The following GRID2 variants were observed in gnomAD, a reference collection of about 807,000 sequenced individuals.
GRID2 encodes glutamate ionotropic receptor delta type subunit 2, also known as glutamate receptor ionotropic, delta-2.
GRID2 carries 33 observed loss-of-function variants against 114.8 expected under a neutral mutation model. The observed-to-expected ratio is 0.29, with a 90% CI of 0.22 to 0.38. The LOEUF is 0.38. Ranked by LOEUF, GRID2 falls within the 10% of genes least tolerant of loss-of-function variation. The pLI, the probability that GRID2 is intolerant of heterozygous loss-of-function variation, is 1.00. For synonymous variants in GRID2, 505 were observed against 449.9 expected, an observed-to-expected ratio of 1.12 and a Z score of -1.55; for missense variants, 1,184 against 1,257.7, an observed-to-expected ratio of 0.94 and a Z score of 0.89.
intron 4 of GRID2, among the ~76,000 whole-genome samples, chr4:93,192,414 A>G (rs1209449777): frequency 6.6e-6 from 1 of 152,174 alleles, no homozygotes; most frequent in African/African-American, 2.4e-5. Context: ...ACAAGATTTT[A>G]TTCCTAAAAG....
chr4:93,406,824 C>G (rs1186359975), intron 9 of GRID2, among the ~76,000 whole-genome samples: 1 of 152,090 alleles, frequency 6.6e-6, no homozygotes, highest in Non-Finnish European at 1.5e-5. Context: ...GGAAGCTGCA[C>G]GCTCATCTTC....
chr4:93,421,532 A>G (rs1768286076), intron 9 of GRID2, among the ~76,000 whole-genome samples: 1 of 152,222 alleles, frequency 6.6e-6, no homozygotes, highest in Admixed American at 6.5e-5. Context: ...CAATATCAAC[A>G]TAGTTATAGA....
At chr4:92,462,181 T>G (rs553869019) in intron 1 of GRID2, among the ~76,000 whole-genome samples, 1 of 152,236 alleles carries the variant, frequency 6.6e-6, no homozygotes, top group East Asian at 1.9e-4. Context: ...TAAATAGCAT[T>G]ATACAATTAC....
chr4:92,404,629 C>A (rs1014790616), intron 1 of GRID2, among the ~76,000 whole-genome samples: 2 of 152,120 alleles, frequency 1.3e-5, no homozygotes, highest in Middle Eastern at 3.2e-3. Flanking sequence ...AGAATCAACC[C>A]AAATGCCCAT....
intron 2 of GRID2, among the ~76,000 whole-genome samples, chr4:93,053,676 C>A (rs1228452807): frequency 6.6e-6 from 1 of 151,822 alleles, no homozygotes; most frequent in East Asian, 1.9e-4. Flanking sequence ...TTAACCAAAA[C>A]AAAGATAATG....
At chr4:93,767,945 C>G (rs999940468) in intron 14 of GRID2, among the ~76,000 whole-genome samples, 1 of 152,266 alleles carries the variant, frequency 6.6e-6, no homozygotes, top group East Asian at 1.9e-4. Flanking sequence ...GACAAATATA[C>G]CTTCATGACC....
chr4:92,439,593 A>C (rs1365233165), intron 1 of GRID2, among the ~76,000 whole-genome samples: 1 of 146,790 alleles, frequency 6.8e-6, no homozygotes, highest in African/African-American at 2.5e-5. Context: ...TCTTGTGGTA[A>C]GGGGTGATAT....
Position 92,955,318 on chromosome 4 carries a change from G to T in GRID2, c.245-129677G>T, listed in dbSNP as rs1397273109. ...TTAATGATTGCCATTCTAACTGGTGGGAGATGGTATCTCATTGTGGATTTG... is the reference window on the plus strand; with the variant it reads ...TTAATGATTGCCATTCTAACTGGTGTGAGATGGTATCTCATTGTGGATTTG... On this transcript the variant is annotated intron_variant, in intron 2 of 15. Transcript: ENST00000282020. 6.7e-3 allele frequency among the ~76,000 whole-genome samples: 1,017 copies of T among 151,618 alleles called. 10 individuals carry two copies. Among genetic ancestry groups the T allele is most frequent in the African/African-American group, 0.022 (915 of 41,164 alleles).
intron 15 of GRID2, 136 bp downstream of exon 15, chr4:93,769,586 T>C (rs1463787831): frequency 5.3e-6 from 4 of 754,918 alleles, no homozygotes; most frequent in East Asian, 5.3e-5. Flanking sequence ...AATAAAGTTG[T>C]GAAATATAAA....
intron 5 of GRID2, among the ~76,000 whole-genome samples, chr4:93,215,423 AGGATACC>A (rs760899225): frequency 2.6e-5 from 4 of 152,066 alleles, no homozygotes; most frequent in Non-Finnish European, 5.9e-5. Flanking sequence ...TGGAGTTGAC[AGGATACC>A]GTTTAATCCT....
At chr4:93,202,352 T>C (rs1045515961) in intron 4 of GRID2, among the ~76,000 whole-genome samples, 2 of 152,114 alleles carry the variant, frequency 1.3e-5, no homozygotes, top group African/African-American at 2.4e-5. Flanking sequence ...CAAACAACTA[T>C]AATAATGATG....
chr4:93,669,308 TTAAA>T (rs770389337), intron 14 of GRID2, among the ~76,000 whole-genome samples: 3 of 152,122 alleles, frequency 2.0e-5, no homozygotes, highest in Non-Finnish European at 2.9e-5. Flanking sequence ...TCCTTAGGCA[TTAAA>T]TAATCAACCT....
At chr4:92,845,283 TAC>T (rs1743227991) in intron 2 of GRID2, among the ~76,000 whole-genome samples, 3 of 152,162 alleles carry the variant, frequency 2.0e-5, no homozygotes, top group Non-Finnish European at 4.4e-5. Flanking sequence ...CTCATATTCA[TAC>T]AGAGCAGAAG....
intron 2 of GRID2, among the ~76,000 whole-genome samples, chr4:92,620,540 C>G (rs1730219961): frequency 6.6e-6 from 1 of 151,332 alleles, no homozygotes; most frequent in Admixed American, 6.6e-5. Context: ...ACAATTAGCA[C>G]AAATAAAGAA....
intron 10 of GRID2, among the ~76,000 whole-genome samples, chr4:93,433,453 TA>T: frequency 6.6e-6 from 1 of 152,278 alleles, no homozygotes; most frequent in South Asian, 2.1e-4. Context: ...GTCTCATTAA[TA>T]AATAACAAAA....
intron 11 of GRID2, among the ~76,000 whole-genome samples, chr4:93,458,111 G>A (rs1474299465): frequency 6.6e-6 from 1 of 152,166 alleles, no homozygotes; most frequent in Non-Finnish European, 1.5e-5. Flanking sequence ...TCTAAGGAAA[G>A]GAATGGATAG....
At position 93,357,740 on chromosome 4, in the gene GRID2, G is replaced by C. The variant is rs998429094; in HGVS notation, c.1246-37867G>C. On this transcript the variant is annotated intron_variant, in intron 8 of 15. Transcript: ENST00000282020. ...TATGTAAAGGATCTTGATTATGTTT[G>C]ATGTAGGTGTGAAATAGGAATCCAG... Among the ~76,000 whole-genome samples, 3 of 151,572 alleles carry C rather than the reference G, an allele frequency of 2.0e-5. No homozygotes were observed. The East Asian group carries it at 5.8e-4, about 29-fold the overall frequency.
intron 8 of GRID2, among the ~76,000 whole-genome samples, chr4:93,389,301 A>T (rs917127312): frequency 6.6e-6 from 1 of 152,186 alleles, no homozygotes; most frequent in African/African-American, 2.4e-5. Flanking sequence ...ATTAAATGCT[A>T]AAATATTATT....
intron 4 of GRID2, among the ~76,000 whole-genome samples, chr4:93,203,409 C>A (rs964786095): frequency 8.6e-5 from 13 of 151,944 alleles, no homozygotes; most frequent in African/African-American, 3.1e-4. Flanking sequence ...ATTAAAAAGA[C>A]AAGACATATC....
Sources: allele counts gnomAD v4.1 joint callset (sites outside exome capture counted in the v4.1 genomes callset), GRCh38; gene constraint gnomAD v4.1.1; transcripts MANE v1.5; gene names NCBI Gene and HGNC (gene_info 2026-07-23, HGNC 2026-07-21).